Variants in CDK1 observed in about 807,000 individuals in gnomAD.
The protein encoded by CDK1 is cyclin dependent kinase 1.
CDK1 carries 5 observed loss-of-function variants against 34.6 expected under a neutral mutation model. The ratio of observed to expected loss-of-function variants is 0.14; its 90% CI spans 0.08 to 0.30. The LOEUF (loss-of-function observed/expected upper bound fraction) is 0.30, where lower values mean the gene tolerates loss of function less well. Ranked by LOEUF, CDK1 falls within the 10% of genes least tolerant of loss-of-function variation. CDK1 has a pLI of 1.00. For synonymous variants in CDK1, 108 were observed against 114.7 expected (o/e 0.94, Z 0.37); for missense variants, 157 against 345.7 (o/e 0.45, Z 4.33).
chr10:60,779,251 A>C (rs1430683703), intron 1 of CDK1, among the ~76,000 whole-genome samples: 3 of 152,190 alleles, frequency 2.0e-5, no homozygotes, highest in Non-Finnish European at 4.4e-5. Flanking sequence ...ATAGAACTTA[A>C]AGGTCTATTC....
chr10:60,778,843 G>A (rs2080246678), intron 1 of CDK1, among the ~76,000 whole-genome samples: 2 of 152,236 alleles, frequency 1.3e-5, no homozygotes, highest in South Asian at 2.1e-4. Context: ...CATGAGTCGA[G>A]GTCGGCTGTT....
At chr10:60,784,393 G>A (rs995823449) in intron 2 of CDK1, among the ~76,000 whole-genome samples, 2 of 152,134 alleles carry the variant, frequency 1.3e-5, no homozygotes, top group African/African-American at 2.4e-5. Context: ...ATTTTGGGGC[G>A]GCGAGGCAGG....
intron 7 of CDK1, 57 bp downstream of exon 7, chr10:60,792,346 G>A: frequency 6.8e-7 from 1 of 1,478,252 alleles, no homozygotes; most frequent in African/African-American, 1.4e-5. Context: ...AATATATTCA[G>A]TTCTTTGTTT....
Position 60,793,993 on chromosome 10 carries a change from T to C in CDK1, c.*18T>C. 1 of 1,252,566 alleles carries C rather than the reference T, an allele frequency of 8.0e-7. No individual in the cohort carries two copies. Among genetic ancestry groups the C allele is most frequent in the East Asian group, 2.6e-5 (1 of 38,088 alleles). The allele number at this position is 1,252,566 out of a possible 1,614,324, so 77.6% of individuals were successfully genotyped here. On this transcript the variant is annotated 3_prime_UTR_variant, in exon 8 of 8. Transcript: ENST00000395284. The stretch of plus-strand genomic sequence containing the variant: ...AGATGTAGCTTTCTGACAAAAAGTT[T>C]CCATATGTTATATCAACAGATAGTT...
chr10:60,781,602 C>T (rs1349119325), intron 2 of CDK1, among the ~76,000 whole-genome samples: 1 of 152,126 alleles, frequency 6.6e-6, no homozygotes, highest in Non-Finnish European at 1.5e-5. Context: ...ACACTGTCTC[C>T]AAAACCATCT....
At chr10:60,779,075 C>T (rs1397716731) in intron 1 of CDK1, among the ~76,000 whole-genome samples, 1 of 152,210 alleles carries the variant, frequency 6.6e-6, no homozygotes, top group Non-Finnish European at 1.5e-5. Context: ...ACTCGTGGGC[C>T]TTCTTGGGCT....
chr10:60,779,189 T>A (rs2080251086), intron 1 of CDK1, among the ~76,000 whole-genome samples: 1 of 152,248 alleles, frequency 6.6e-6, no homozygotes, highest in Admixed American at 6.5e-5. Context: ...TTTAAAAAGA[T>A]ACATCTCTGC....
chr10:60,785,637 C>A, intron 3 of CDK1, 27 bp from the exon 4 acceptor site: 1 of 1,323,172 alleles, frequency 7.6e-7, no homozygotes, highest in South Asian at 1.4e-5. Context: ...TTGCTGGATT[C>A]TTCTCTCATA....
chr10:60,782,529 T>G (rs1236355833), intron 2 of CDK1, among the ~76,000 whole-genome samples: 1 of 152,198 alleles, frequency 6.6e-6, no homozygotes, highest in African/African-American at 2.4e-5. Flanking sequence ...TCCATGATGG[T>G]GGAACCTTGC....
chr10:60,786,431 CTA>C, intron 4 of CDK1: 4 of 693,954 alleles, frequency 5.8e-6, no homozygotes, highest in Non-Finnish European at 7.1e-6. Flanking sequence ...CTACCTATGT[CTA>C]TTTACATTTT....
chr10:60,788,919 A>G (rs536397810), intron 5 of CDK1, among the ~76,000 whole-genome samples: 1 of 152,098 alleles, frequency 6.6e-6, no homozygotes, highest in Non-Finnish European at 1.5e-5. Context: ...TCATTTTTTT[A>G]CATGGCTATA....
chr10:60,785,856 C>T, intron 4 of CDK1, 69 bp downstream of exon 4: 6 of 1,383,334 alleles, frequency 4.3e-6, no homozygotes, highest in Non-Finnish European at 5.7e-6. Context: ...ATAGAAGTCC[C>T]TGCATTTTGT....
intron 7 of CDK1, 107 bp from the exon 8 acceptor site, chr10:60,793,770 A>G: frequency 3.3e-6 from 2 of 605,490 alleles, no homozygotes; most frequent in Non-Finnish European, 5.8e-6. Context: ...ATATTCACTG[A>G]AAGTATTAGT....
chr10:60,790,882 C>G (rs1326767288), intron 5 of CDK1, among the ~76,000 whole-genome samples: 1 of 152,100 alleles, frequency 6.6e-6, no homozygotes, highest in Non-Finnish European at 1.5e-5. Flanking sequence ...TTCTGTTGGT[C>G]TCTGCGTCCT....
intron 1 of CDK1, 135 bp from the exon 2 acceptor site, chr10:60,780,006 A>C (rs2080258214): frequency 1.6e-6 from 1 of 638,136 alleles, no homozygotes; most frequent in Admixed American, 3.0e-5. Context: ...ATATTGTTTG[A>C]ATGTAATTAA....
intron 1 of CDK1, among the ~76,000 whole-genome samples, chr10:60,779,192 A>G (rs943693376): frequency 2.6e-5 from 4 of 152,160 alleles, no homozygotes; most frequent in African/African-American, 9.7e-5. Context: ...AAAAAGATAC[A>G]TCTCTGCTTC....
intron 6 of CDK1, 40 bp downstream of exon 6, chr10:60,792,093 G>A (rs773311804): frequency 1.6e-5 from 26 of 1,600,066 alleles, no homozygotes; most frequent in Non-Finnish European, 2.0e-5. Context: ...TAACATATAT[G>A]TAACAATGAG....
chr10:60,780,264 T>C (rs1454944899), intron 2 of CDK1, 62 bp downstream of exon 2: 20 of 835,844 alleles, frequency 2.4e-5, no homozygotes, highest in Middle Eastern at 6.2e-4. Flanking sequence ...ACTTCTGTAA[T>C]ATGAACACAT....
intron 4 of CDK1, chr10:60,786,321 T>G: frequency 1.0e-6 from 1 of 957,088 alleles, no homozygotes; most frequent in Non-Finnish European, 1.2e-6. Flanking sequence ...TCACTTTGTA[T>G]GTATATAAAG....
Sources: allele counts gnomAD v4.1 joint callset (sites outside exome capture counted in the v4.1 genomes callset), GRCh38; gene constraint gnomAD v4.1.1; transcripts MANE v1.5; gene names NCBI Gene and HGNC (gene_info 2026-07-23, HGNC 2026-07-21).